ANKRD40: variants seen among roughly 807,000 people sequenced by gnomAD.
ANKRD40 encodes ankyrin repeat domain-containing protein 40.
A neutral mutation model predicts 35.5 loss-of-function variants in ANKRD40; 24 were observed. That is an observed-to-expected ratio of 0.68 (90% CI 0.49 to 0.95). ANKRD40 has a LOEUF of 0.95. ANKRD40 is among the 40% of genes least tolerant of loss of function. The probability of loss-of-function intolerance (pLI) is 0.00; values close to 1 mark genes in which losing one functional copy is unlikely to be tolerated. For missense variants in ANKRD40, 361 were observed against 436.0 expected, an observed-to-expected ratio of 0.83 and a Z score of 1.53; for synonymous variants, 147 against 173.5, an observed-to-expected ratio of 0.85 and a Z score of 1.20.
chr17:50,705,151 C>T (rs1968317811), intron 1 of ANKRD40, among the ~76,000 whole-genome samples: 2 of 150,988 alleles, frequency 1.3e-5, no homozygotes, highest in South Asian at 4.2e-4. Context: ...GAACCCTATC[C>T]TATCTGTGCT....
intron 2 of ANKRD40, chr17:50,700,180 A>C: frequency 3.3e-6 from 1 of 298,674 alleles, no homozygotes; most frequent in East Asian, 5.8e-5. Context: ...GCGGTGCCTC[A>C]TGCCTGTAAT....
At chr17:50,696,222 T>C (rs989920621) in intron 4 of ANKRD40, 79 bp from the exon 5 acceptor site, 21 of 1,437,522 alleles carry the variant, frequency 1.5e-5, no homozygotes, top group Non-Finnish European at 2.0e-5. Context: ...GATACCAGTA[T>C]CTTGTCTTAT....
rs1201975594 is a variant in ANKRD40 at position 50,707,555 on chromosome 17, C to A, written c.100G>T (p.Val34Leu). Residue 34 changes from valine (V) to leucine (L), a missense_variant, in exon 1 of 5, where the codon GTG becomes TTG. This residue lies in a region of ANKRD40 where 56 missense variants were observed against 47.1 expected (regional missense o/e 1.19). Coordinates refer to ENST00000285243, the MANE Select transcript of ANKRD40 (RefSeq NM_052855.4). This position sits in a 1 kb window ranked among gnomAD's most constrained non-coding sequence, Gnocchi z 4.8. Reference sequence around the variant, plus strand: ...ACCTCATTTTGGGAGTTCACATCCACCCCGCTCTCCACCAGTTTCTGCACC... The same window carrying A: ...ACCTCATTTTGGGAGTTCACATCCAACCCGCTCTCCACCAGTTTCTGCACC... ...REVQKLVESG[V>L]DVNSQNEVNG... is the part of the protein sequence containing the mutation. The A allele has an allele frequency of 1.2e-6, 2 of 1,608,444 alleles. No individual in the cohort carries two copies. Among genetic ancestry groups the A allele is most frequent in the South Asian group, 2.2e-5 (2 of 90,856 alleles).
chr17:50,698,866 G>A (rs1968230457), intron 3 of ANKRD40, among the ~76,000 whole-genome samples: 1 of 151,762 alleles, frequency 6.6e-6, no homozygotes, highest in Admixed American at 6.6e-5. Context: ...CCAGCTGGGT[G>A]CGGTGATTCA....
chr17:50,707,514 C>T lies in ANKRD40; in HGVS notation c.134+7G>A. On this transcript the variant is annotated splice_region_variant and intron_variant, in intron 1 of 4. Coordinates refer to ENST00000285243, the MANE Select transcript of ANKRD40 (RefSeq NM_052855.4). This position sits in a 1 kb window ranked among gnomAD's most constrained non-coding sequence, Gnocchi z 4.8. The stretch of plus-strand genomic sequence containing the variant: ...CTGACCCTAGGCCTCCCCCGCTCCC[C>T]ACTTACCAGCCGTTGACCTCATTTT... 6.2e-7 allele frequency: 1 copy of T among 1,604,946 alleles called. No homozygotes were observed. The highest frequency in any genetic ancestry group is 8.5e-7 in the Non-Finnish European group (1 of 1,175,504).
intron 1 of ANKRD40, among the ~76,000 whole-genome samples, chr17:50,702,276 T>A (rs1272538741): frequency 6.6e-6 from 1 of 152,038 alleles, no homozygotes; most frequent in Non-Finnish European, 1.5e-5. Context: ...GGTGCATGTC[T>A]GTAATCCCAG....
intron 1 of ANKRD40, among the ~76,000 whole-genome samples, chr17:50,702,059 G>C (rs1968278647): frequency 1.3e-5 from 2 of 152,174 alleles, no homozygotes; most frequent in Non-Finnish European, 2.9e-5. Context: ...GAAGAGTCTT[G>C]ATCAAGCTCC....
At chr17:50,700,443 C>CGG (rs200111170) in intron 2 of ANKRD40, 125 bp downstream of exon 2, 2 of 941,620 alleles carry the variant, frequency 2.1e-6, no homozygotes, top group South Asian at 1.9e-5. Context: ...AACTCCGTCT[C>CGG]GGAAAAAAAA....
At chr17:50,703,582 GAAAGCATTTA>G (rs1220916605) in intron 1 of ANKRD40, among the ~76,000 whole-genome samples, 1 of 152,164 alleles carries the variant, frequency 6.6e-6, no homozygotes, top group Non-Finnish European at 1.5e-5. Context: ...TATCTGGAGG[GAAAGCATTTA>G]AGAGAGTGGG....
At position 50,707,108 on chromosome 17, in the gene ANKRD40, G is replaced by A. The variant is rs1212481299; in HGVS notation, c.134+413C>T. 2.6e-5 allele frequency among the ~76,000 whole-genome samples: 4 copies of A among 151,948 alleles called. No individual in the cohort carries two copies. The highest frequency in any genetic ancestry group is 4.4e-5 in the Non-Finnish European group (3 of 67,976). ...GTGCTAGTTTATAAAATTCATATTT[G>A]CTCAGTTGCTTATGCTTTTAGCTCT... is the stretch of plus-strand genomic sequence containing the variant. On this transcript the variant is annotated intron_variant, in intron 1 of 4. Transcript: ENST00000285243. This position sits in a 1 kb window ranked among gnomAD's most constrained non-coding sequence, Gnocchi z 4.8.
Position 50,707,674 on chromosome 17 carries a change from C to A in ANKRD40, c.-20G>T, listed in dbSNP as rs1220548111. ...GTTCATCTTCCCACAGCCCCAGGCC[C>A]CCGCCCAGGCCCGCCTGCCCCGCCC... On this transcript the variant is annotated 5_prime_UTR_variant, in exon 1 of 5. Transcript: ENST00000285243. This position sits in a 1 kb window ranked among gnomAD's most constrained non-coding sequence, Gnocchi z 4.8. The A allele has an allele frequency of 1.4e-6, 2 of 1,449,498 alleles. No individual in the cohort carries two copies. Among genetic ancestry groups the A allele is most frequent in the South Asian group, 2.8e-5 (2 of 71,950 alleles). 89.8% of individuals were successfully genotyped at this position (1,449,498 alleles called of 1,614,324 possible).
intron 3 of ANKRD40, among the ~76,000 whole-genome samples, chr17:50,698,370 A>G (rs1597866948): frequency 6.6e-6 from 1 of 152,084 alleles, no homozygotes; most frequent in Non-Finnish European, 1.5e-5. Flanking sequence ...AATGATAGTA[A>G]CAGATTATAA....
intron 3 of ANKRD40, among the ~76,000 whole-genome samples, chr17:50,697,553 C>A (rs748805733): frequency 2.2e-4 from 34 of 151,970 alleles, no homozygotes; most frequent in South Asian, 1.0e-3. Flanking sequence ...CAATTATGGA[C>A]CTAAAGGTAT....
At chr17:50,700,520 C>A (rs773888505) in intron 2 of ANKRD40, 48 bp downstream of exon 2, 3 of 1,584,304 alleles carry the variant, frequency 1.9e-6, no homozygotes, top group Non-Finnish European at 2.6e-6. Flanking sequence ...TACCACAAGT[C>A]TTCAATGAGT....
intron 1 of ANKRD40, among the ~76,000 whole-genome samples, chr17:50,706,689 G>A (rs1968342350): frequency 1.3e-5 from 2 of 148,362 alleles, no homozygotes; most frequent in Admixed American, 6.7e-5. Flanking sequence ...ATCACTTGAG[G>A]CCAGGAGTTT....
At position 50,707,051 on chromosome 17, in the gene ANKRD40, G is replaced by T. The variant is rs944915904; in HGVS notation, c.134+470C>A. 9.4e-4 allele frequency among the ~76,000 whole-genome samples: 142 copies of T among 150,964 alleles called. 1 individual carries two copies. The highest frequency in any genetic ancestry group is 3.4e-3 in the African/African-American group (139 of 41,176). ...AGAAGCAGAATGGTGATGCAAATGT[G>T]TTTTTTTTTCCTGGTCTTGGCTAAG... On this transcript the variant is annotated intron_variant, in intron 1 of 4. Transcript: ENST00000285243. The surrounding 1 kb of genome is among the most constrained non-coding windows in gnomAD (Gnocchi z 4.8).
chr17:50,700,930 A>G, intron 1 of ANKRD40: 1 of 471,710 alleles, frequency 2.1e-6, no homozygotes, highest in Non-Finnish European at 3.7e-6. Context: ...CCTGAGAAAA[A>G]CTAACTTAAC....
rs1230093142 is a variant in ANKRD40, at chr17:50,699,413, G to A, written c.764C>T (p.Pro255Leu). 1 of 1,613,610 alleles carries A rather than the reference G, an allele frequency of 6.2e-7. No individual in the cohort carries two copies. Among genetic ancestry groups the A allele is most frequent in the Admixed American group, 1.7e-5 (1 of 60,000 alleles). Reference sequence around the variant, plus strand: ...TGAGGGGTTACCTTGCATATTAAATGGAAATGCTCCAGTGAAGAAAAATGG... The same window carrying A: ...TGAGGGGTTACCTTGCATATTAAATAGAAATGCTCCAGTGAAGAAAAATGG... ...FQPFFFTGAFPFNMQELVLKV... is the reference protein window; with the variant it reads ...FQPFFFTGAFLFNMQELVLKV... The change falls in exon 3 of 5, where the codon CCA becomes CTA. Residue 255 changes from proline to leucine, a missense_variant. Physicochemically the swap from Pro to Leu is moderately conservative, Grantham distance 98. Around this residue, in one of 5 missense-constraint regions of ANKRD40, gnomAD observed 93 missense variants for 129.6 expected, o/e 0.72. Coordinates refer to ENST00000285243, the MANE Select transcript of ANKRD40 (RefSeq NM_052855.4).
At chr17:50,704,430 C>T (rs1032822025) in intron 1 of ANKRD40, among the ~76,000 whole-genome samples, 2 of 149,050 alleles carry the variant, frequency 1.3e-5, no homozygotes, top group African/African-American at 5.0e-5. Flanking sequence ...GCAGGAGAAT[C>T]GCTTGAACCC....
Sources: allele counts gnomAD v4.1 joint callset (sites outside exome capture counted in the v4.1 genomes callset), GRCh38; gene constraint gnomAD v4.1.1; regional missense constraint gnomAD v4.1.1; non-coding constraint Gnocchi (gnomAD v3.1); transcripts MANE v1.5; gene names NCBI Gene and HGNC (gene_info 2026-07-23, HGNC 2026-07-21).